The following EPHA5 variants were observed in gnomAD, a reference collection of about 807,000 sequenced individuals.
The protein encoded by EPHA5 is ephrin type-A receptor 5.
EPHA5 carries 60 observed loss-of-function variants against 105.0 expected under a neutral mutation model. The observed-to-expected ratio is 0.57, with a 90% CI of 0.46 to 0.71. The LOEUF (loss-of-function observed/expected upper bound fraction) is 0.71, where lower values mean the gene tolerates loss of function less well. Ranked by LOEUF, EPHA5 falls within the 30% of genes least tolerant of loss-of-function variation. The pLI is 0.00. For synonymous variants in EPHA5, 513 were observed against 449.1 expected, an observed-to-expected ratio of 1.14 and a Z score of -1.80; for missense variants, 1,218 against 1,274.7, an observed-to-expected ratio of 0.96 and a Z score of 0.68.
At chr4:65,397,478 C>G (rs1721355709) in intron 8 of EPHA5, among the ~76,000 whole-genome samples, 1 of 152,180 alleles carries the variant, frequency 6.6e-6, no homozygotes, top group Admixed American at 6.5e-5. Flanking sequence ...AAGGGATTAT[C>G]TACCCCCTCA....
At chr4:65,352,781 C>T (rs901991590) in intron 12 of EPHA5, among the ~76,000 whole-genome samples, 29 of 112,402 alleles carry the variant, frequency 2.6e-4, no homozygotes, top group Non-Finnish European at 5.2e-4. Flanking sequence ...CCTTCTACTT[C>T]TCTGCATTTT....
At chr4:65,590,449 T>G (rs1742526541) in intron 3 of EPHA5, among the ~76,000 whole-genome samples, 1 of 152,170 alleles carries the variant, frequency 6.6e-6, no homozygotes, top group African/African-American at 2.4e-5. Context: ...AGATCATGTA[T>G]AGCTTAGAAT....
intron 1 of EPHA5, among the ~76,000 whole-genome samples, chr4:65,651,675 A>G (rs935801358): frequency 6.6e-5 from 10 of 152,130 alleles, no homozygotes; most frequent in African/African-American, 2.4e-4. Context: ...ACCCCAAAGT[A>G]TTTTTCATCA....
At chr4:65,543,742 A>G (rs1255084151) in intron 3 of EPHA5, among the ~76,000 whole-genome samples, 1 of 151,838 alleles carries the variant, frequency 6.6e-6, no homozygotes. Context: ...GTCATATGGA[A>G]CAAAAAAGAG....
At chr4:65,361,096 A>G (rs1407129952) in intron 11 of EPHA5, among the ~76,000 whole-genome samples, 1 of 151,688 alleles carries the variant, frequency 6.6e-6, no homozygotes, top group Admixed American at 6.6e-5. Flanking sequence ...GAGCAAAACA[A>G]AAACCTCTGC....
chr4:65,376,954 T>A (rs1041945403), intron 8 of EPHA5: 1 of 1,535,112 alleles, frequency 6.5e-7, no homozygotes, highest in Non-Finnish European at 8.8e-7. Flanking sequence ...GTAATACATA[T>A]AGGTGGACAT....
chr4:65,459,610 C>G (rs180692026), intron 5 of EPHA5, among the ~76,000 whole-genome samples: 20 of 151,868 alleles, frequency 1.3e-4, no homozygotes, highest in African/African-American at 4.6e-4. Context: ...CTTCTCTTTT[C>G]TCACATACTG....
At chr4:65,361,723 TAA>T (rs1366706016) in intron 11 of EPHA5, among the ~76,000 whole-genome samples, 1 of 151,854 alleles carries the variant, frequency 6.6e-6, no homozygotes, top group East Asian at 1.9e-4. Flanking sequence ...GATATAGAAA[TAA>T]AGAGAAAGAC....
At chr4:65,530,348 A>C (rs1461522994) in intron 3 of EPHA5, among the ~76,000 whole-genome samples, 1 of 152,232 alleles carries the variant, frequency 6.6e-6, no homozygotes, top group Admixed American at 6.5e-5. Flanking sequence ...TAAGACAAAT[A>C]AACTTAAAAT....
intron 5 of EPHA5, among the ~76,000 whole-genome samples, chr4:65,452,226 T>G (rs1727135154): frequency 6.6e-6 from 1 of 152,166 alleles, no homozygotes; most frequent in Admixed American, 6.5e-5. Context: ...CTTCAGAGAT[T>G]ACTATTTGGT....
intron 3 of EPHA5, among the ~76,000 whole-genome samples, chr4:65,584,067 A>G (rs1260903179): frequency 1.3e-4 from 19 of 151,696 alleles, no homozygotes; most frequent in Admixed American, 1.1e-3. Flanking sequence ...CACATGATCA[A>G]TTCTACTAGA....
chr4:65,389,276 C>G (rs924912328), intron 8 of EPHA5, among the ~76,000 whole-genome samples: 1 of 152,010 alleles, frequency 6.6e-6, no homozygotes, highest in Non-Finnish European at 1.5e-5. Context: ...CCAAAAATCT[C>G]TTGAACAACA....
intron 8 of EPHA5, among the ~76,000 whole-genome samples, chr4:65,377,569 C>T (rs953896076): frequency 6.6e-6 from 1 of 151,908 alleles, no homozygotes; most frequent in Non-Finnish European, 1.5e-5. Flanking sequence ...GTTAGGCATA[C>T]ATAACTCCCC....
chr4:65,402,179 C>G (rs1364552957), intron 8 of EPHA5, among the ~76,000 whole-genome samples: 1 of 151,998 alleles, frequency 6.6e-6, no homozygotes, highest in Non-Finnish European at 1.5e-5. Flanking sequence ...GCCTTGTGAA[C>G]AGGTCTCTTC....
Position 65,320,818 on chromosome 4 carries a change from G to C in EPHA5, c.*3296C>G. ...ATTAAGGATATTCTGTGTTGTTTAGGCAACTCTGAAACCAATAATGCTGGC... is the reference window on the plus strand; with the variant it reads ...ATTAAGGATATTCTGTGTTGTTTAGCCAACTCTGAAACCAATAATGCTGGC... On this transcript the variant is annotated 3_prime_UTR_variant, in exon 17 of 17. Transcript: ENST00000613740. The C allele has an allele frequency of 4.3e-6, 1 of 229,916 alleles. No homozygotes were observed. Among genetic ancestry groups the C allele is most frequent in the East Asian group, 6.1e-5 (1 of 16,262 alleles). 14.2% of individuals were successfully genotyped at this position (229,916 alleles called of 1,614,324 possible).
chr4:65,635,107 A>G (rs1250704555), intron 2 of EPHA5, among the ~76,000 whole-genome samples: 1 of 151,940 alleles, frequency 6.6e-6, no homozygotes, highest in Non-Finnish European at 1.5e-5. Context: ...ATTTTGAGTA[A>G]AAACCTGAGT....
chr4:65,552,911 G>A (rs1578406700), intron 3 of EPHA5, among the ~76,000 whole-genome samples: 1 of 151,852 alleles, frequency 6.6e-6, no homozygotes, highest in South Asian at 2.1e-4. Context: ...ATTTCCCAGG[G>A]CATATTAACT....
intron 3 of EPHA5, among the ~76,000 whole-genome samples, chr4:65,501,298 T>C (rs1396133090): frequency 6.6e-6 from 1 of 151,486 alleles, no homozygotes; most frequent in African/African-American, 2.4e-5. Context: ...GGCATCCAAA[T>C]AGGAAAAGAA....
intron 3 of EPHA5, among the ~76,000 whole-genome samples, chr4:65,519,613 T>G (rs186765029): frequency 6.6e-6 from 1 of 152,306 alleles, no homozygotes; most frequent in African/African-American, 2.4e-5. Context: ...GACATGTTTG[T>G]ATATTTACAA....
Sources: allele counts gnomAD v4.1 joint callset (sites outside exome capture counted in the v4.1 genomes callset), GRCh38; gene constraint gnomAD v4.1.1; transcripts MANE v1.5; gene names NCBI Gene and HGNC (gene_info 2026-07-23, HGNC 2026-07-21).